RPAP2: variants seen among roughly 807,000 people sequenced by gnomAD.
The protein encoded by RPAP2 is putative RNA polymerase II subunit B1 CTD phosphatase RPAP2.
In RPAP2, 52 loss-of-function variants were observed where a neutral mutation model predicts 73.1. The ratio of observed to expected loss-of-function variants is 0.71; its 90% CI spans 0.57 to 0.90. The LOEUF (loss-of-function observed/expected upper bound fraction) is 0.90, where lower values mean the gene tolerates loss of function less well. Ranked by LOEUF, RPAP2 falls within the 40% of genes least tolerant of loss-of-function variation. The pLI is 0.00. For missense variants in RPAP2, 598 were observed against 701.8 expected (o/e 0.85, Z 1.67); for synonymous variants, 225 against 242.1 (o/e 0.93, Z 0.65).
chr1:92,312,175 G>T (rs1350536862), intron 6 of RPAP2, among the ~76,000 whole-genome samples: 1 of 152,148 alleles, frequency 6.6e-6, no homozygotes, highest in Admixed American at 6.5e-5. Context: ...TTGTTGCGGG[G>T]CAAGGCAGGA....
Position 92,307,604 on chromosome 1 carries a change from G to A in RPAP2, c.488+328G>A, listed in dbSNP as rs149606344. ...GGAAGAATGTTAAATTTTTTCAGAA[G>A]TTACTGGGTCTTAGGATCCAGGTGA... On this transcript the variant is annotated intron_variant, in intron 6 of 12. Transcript: ENST00000610020. 2.4e-3 allele frequency among the ~76,000 whole-genome samples: 370 copies of A among 152,286 alleles called. 2 individuals carry two copies. Among genetic ancestry groups the A allele is most frequent in the South Asian group, 9.3e-3 (45 of 4,824 alleles).
chr1:92,376,622 A>T (rs925491777), intron 11 of RPAP2, among the ~76,000 whole-genome samples: 5 of 152,180 alleles, frequency 3.3e-5, no homozygotes, highest in African/African-American at 1.2e-4. Context: ...CTCTATCAGC[A>T]CTTCCTTCTG....
Position 92,387,722 on chromosome 1 carries a change from C to T in RPAP2, c.*711C>T, listed in dbSNP as rs941330648. 1 of 152,100 alleles carries T rather than the reference C, an allele frequency of 6.6e-6. No individual in the cohort carries two copies. Among genetic ancestry groups the T allele is most frequent in the Non-Finnish European group, 1.5e-5 (1 of 68,028 alleles). The allele number at this position is 152,100 out of a possible 1,614,324, so 9.4% of individuals were successfully genotyped here. ...GGAGGAAATGACAGCTACTAAAGCC[C>T]AATCATGGAAAAGGACCAGAAAGCA... is the stretch of plus-strand genomic sequence containing the variant. On this transcript the variant is annotated 3_prime_UTR_variant, in exon 13 of 13. Coordinates refer to ENST00000610020, the MANE Select transcript of RPAP2 (RefSeq NM_024813.3).
At chr1:92,382,219 T>G (rs1655672233) in intron 12 of RPAP2, among the ~76,000 whole-genome samples, 2 of 151,668 alleles carry the variant, frequency 1.3e-5, no homozygotes, top group African/African-American at 4.8e-5. Flanking sequence ...GAATAGTGCC[T>G]CTATAAACAT....
In RPAP2 at chr1:92,388,971, AC is replaced by A. The variant is rs1416813430; in HGVS notation, c.*1961del. 1 of 152,280 alleles carries A rather than the reference AC, an allele frequency of 6.6e-6. No individual in the cohort carries two copies. Among genetic ancestry groups the A allele is most frequent in the Non-Finnish European group, 1.5e-5 (1 of 68,094 alleles). The allele number at this position is 152,280 out of a possible 1,614,324, so 9.4% of individuals were successfully genotyped here. ...ACCTCCAGGGGCAGGGCATATCTGA[AC>A]AAAAGGCAGCAGACAGCTTCTCCAG... On this transcript the variant is annotated 3_prime_UTR_variant, in exon 13 of 13. Coordinates refer to ENST00000610020, the MANE Select transcript of RPAP2 (RefSeq NM_024813.3).
rs2101470782 is a variant in RPAP2, at chr1:92,394,043, A to G, written c.*7032A>G. 1 of 152,356 alleles carries G rather than the reference A, an allele frequency of 6.6e-6. No individual in the cohort carries two copies. Among genetic ancestry groups the G allele is most frequent in the South Asian group, 2.1e-4 (1 of 4,828 alleles). The allele number at this position is 152,356 out of a possible 1,614,324, so 9.4% of individuals were successfully genotyped here. A position where few individuals can be genotyped will look rare whatever the true frequency, so the allele number is the denominator to read the frequency against. On this transcript the variant is annotated 3_prime_UTR_variant, in exon 13 of 13. Coordinates refer to ENST00000610020, the MANE Select transcript of RPAP2 (RefSeq NM_024813.3). ...CATGCACACGTATGTTTATTGCTGCACTATTCACAATAGCAAAGATTTGAA... is the reference window on the plus strand; with the variant it reads ...CATGCACACGTATGTTTATTGCTGCGCTATTCACAATAGCAAAGATTTGAA...
intron 12 of RPAP2, among the ~76,000 whole-genome samples, chr1:92,382,042 A>G (rs1223330897): frequency 1.3e-5 from 2 of 150,438 alleles, no homozygotes; most frequent in Non-Finnish European, 2.9e-5. Context: ...TCCTTGTGAT[A>G]GTTTGCTGAG....
intron 10 of RPAP2, among the ~76,000 whole-genome samples, chr1:92,345,594 T>C (rs1378327851): frequency 1.3e-5 from 2 of 152,016 alleles, no homozygotes; most frequent in Admixed American, 6.6e-5. Context: ...TACATGCTTA[T>C]CTTGTCTAGT....
chr1:92,320,425 G>A (rs113926063), intron 6 of RPAP2, among the ~76,000 whole-genome samples, 174 bp from the exon 7 acceptor site: 1,812 of 151,908 alleles, frequency 0.012, 39 homozygotes, highest in African/African-American at 0.041. Flanking sequence ...GGCGCGCACC[G>A]CCATGTCCAG....
chr1:92,350,238 A>T (rs1654128079), intron 11 of RPAP2, among the ~76,000 whole-genome samples: 1 of 152,214 alleles, frequency 6.6e-6, no homozygotes, highest in Non-Finnish European at 1.5e-5. Context: ...AGCACTATAC[A>T]TTTATGAAGG....
At chr1:92,308,227 A>G (rs1651367215) in intron 6 of RPAP2, among the ~76,000 whole-genome samples, 1 of 152,232 alleles carries the variant, frequency 6.6e-6, no homozygotes, top group Admixed American at 6.5e-5. Context: ...GGTTTAGGAT[A>G]TGGAAAACTT....
At chr1:92,352,847 CA>C (rs2101346174) in intron 11 of RPAP2, among the ~76,000 whole-genome samples, 1 of 152,270 alleles carries the variant, frequency 6.6e-6, no homozygotes, top group South Asian at 2.1e-4. Context: ...TCTATTAGTT[CA>C]GTCCCAATTT....
At chr1:92,302,665 G>T (rs576482134) in intron 3 of RPAP2, among the ~76,000 whole-genome samples, 1 of 139,440 alleles carries the variant, frequency 7.2e-6, no homozygotes, top group African/African-American at 2.7e-5. Context: ...GCAGTGGCGG[G>T]ATCTCTGCTC....
At chr1:92,378,115 A>G (rs1655467119) in intron 11 of RPAP2, among the ~76,000 whole-genome samples, 1 of 152,226 alleles carries the variant, frequency 6.6e-6, no homozygotes, top group South Asian at 2.1e-4. Flanking sequence ...TTCACATATG[A>G]GCCAAATACT....
chr1:92,335,762 TTATC>T (rs1306680561), intron 9 of RPAP2, among the ~76,000 whole-genome samples: 3 of 152,194 alleles, frequency 2.0e-5, no homozygotes, highest in Non-Finnish European at 4.4e-5. Flanking sequence ...ATAGCATAAT[TTATC>T]TAACCAATCA....
At position 92,397,824 on chromosome 1, in the gene RPAP2, A is replaced by C. The variant is rs1421394422; in HGVS notation, c.*10813A>C. 1 of 152,208 alleles carries C rather than the reference A, an allele frequency of 6.6e-6. No individual in the cohort carries two copies. The highest frequency in any genetic ancestry group is 2.4e-5 in the African/African-American group (1 of 41,446). The allele number at this position is 152,208 out of a possible 1,614,324, so 9.4% of individuals were successfully genotyped here. ...AACTAAGCAAGTGCTCAAAAACAAA[A>C]GGATAGAAGCATGTCAGACAGACAC... On this transcript the variant is annotated 3_prime_UTR_variant, in exon 13 of 13. Coordinates refer to ENST00000610020, the MANE Select transcript of RPAP2 (RefSeq NM_024813.3).
At chr1:92,328,636 C>T (rs866089557) in intron 8 of RPAP2, among the ~76,000 whole-genome samples, 11 of 152,292 alleles carry the variant, frequency 7.2e-5, no homozygotes, top group South Asian at 2.1e-4. Flanking sequence ...CTTCTGAATC[C>T]TTTTTCTGGC....
intron 9 of RPAP2, among the ~76,000 whole-genome samples, chr1:92,334,585 T>A (rs1040635050): frequency 6.6e-6 from 1 of 152,152 alleles, no homozygotes; most frequent in Non-Finnish European, 1.5e-5. Context: ...TGGTGGCTCA[T>A]GCCTGTAATC....
At chr1:92,312,776 A>T (rs1344026840) in intron 6 of RPAP2, among the ~76,000 whole-genome samples, 1 of 150,970 alleles carries the variant, frequency 6.6e-6, no homozygotes, top group African/African-American at 2.4e-5. Context: ...GTTAATGTTG[A>T]TATTTTGGCC....
Sources: gnomAD v4.1 joint callset for allele counts (sites outside exome capture counted in the v4.1 genomes callset) on GRCh38, gnomAD v4.1.1 for gene constraint, MANE v1.5 for transcripts, NCBI Gene and HGNC (gene_info 2026-07-23, HGNC 2026-07-21) for gene names.